ZNF106: variants seen among roughly 807,000 people sequenced by gnomAD.
ZNF106 encodes SH3-domain binding protein 3.
Under a neutral mutation model 195.1 loss-of-function variants are expected in ZNF106, and 67 were observed. The ratio of observed to expected loss-of-function variants is 0.34; its 90% CI spans 0.28 to 0.42. ZNF106 has a LOEUF of 0.42. ZNF106 is among the 10% of genes least tolerant of loss of function. The probability of loss-of-function intolerance (pLI) is 1.00; values close to 1 mark genes in which losing one functional copy is unlikely to be tolerated. For synonymous variants in ZNF106, 784 were observed against 818.6 expected, an observed-to-expected ratio of 0.96 and a Z score of 0.72; for missense variants, 2,118 against 2,304.5, an observed-to-expected ratio of 0.92 and a Z score of 1.66.
At chr15:42,464,079 C>G (rs956846934) in intron 3 of ZNF106, among the ~76,000 whole-genome samples, 1 of 152,170 alleles carries the variant, frequency 6.6e-6, no homozygotes, top group African/African-American at 2.4e-5. Flanking sequence ...TGGTGGCTCA[C>G]GCCTGTAATC....
At chr15:42,452,087 T>A in intron 4 of ZNF106, 133 bp from the exon 5 acceptor site, 1 of 865,308 alleles carries the variant, frequency 1.2e-6, no homozygotes, top group Non-Finnish European at 1.7e-6. Context: ...GTTTTATATC[T>A]AATAGTGGTT....
Position 42,413,347 on chromosome 15 carries a change from T to G in ZNF106, c.*3957A>C, listed in dbSNP as rs1296920868. 6.6e-6 allele frequency: 1 copy of G among 152,170 alleles called. No homozygotes were observed. The highest frequency in any genetic ancestry group is 2.4e-5 in the African/African-American group (1 of 41,448). The allele number at this position is 152,170 out of a possible 1,614,324, so 9.4% of individuals were successfully genotyped here. A position where few individuals can be genotyped will look rare whatever the true frequency, so the allele number is the denominator to read the frequency against. On this transcript the variant is annotated 3_prime_UTR_variant, in exon 22 of 22. Transcript: ENST00000564754. ...TCTTAAACCCGAGGAACCTGATGAT[T>G]TGGGGGCAGGGATAAAACCATTATT...
intron 15 of ZNF106, among the ~76,000 whole-genome samples, chr15:42,425,256 T>C (rs2054812725): frequency 6.6e-6 from 1 of 152,232 alleles, no homozygotes; most frequent in South Asian, 2.1e-4. Flanking sequence ...AACTCATTTA[T>C]AACTTCAACC....
intron 14 of ZNF106, among the ~76,000 whole-genome samples, chr15:42,434,283 T>G (rs1235923719): frequency 6.6e-6 from 1 of 152,002 alleles, no homozygotes; most frequent in African/African-American, 2.4e-5. Flanking sequence ...CCTCAGGAGT[T>G]CAAAACCAGC....
rs1321207865 is a variant in ZNF106 at position 42,457,453 on chromosome 15, T to C, written c.117-295A>G. Reference sequence around the variant, plus strand: ...ACTTAAAATCTTGTCAGAGGAAACATGGTGAAAGGGGAGGCAGGGCAGGGG... The same window carrying C: ...ACTTAAAATCTTGTCAGAGGAAACACGGTGAAAGGGGAGGCAGGGCAGGGG... On this transcript the variant is annotated intron_variant, in intron 3 of 21. Coordinates refer to ENST00000564754, the MANE Select transcript of ZNF106 (RefSeq NM_001366845.3). The C allele has an allele frequency of 2.4e-6, 3 of 1,271,082 alleles. No individual in the cohort carries two copies. In the African/African-American group the frequency reaches 4.5e-5, roughly 19 times the overall value. The allele number at this position is 1,271,082 out of a possible 1,614,324, so 78.7% of individuals were successfully genotyped here.
At chr15:42,428,790 G>A (rs2054946334) in intron 14 of ZNF106, among the ~76,000 whole-genome samples, 1 of 152,092 alleles carries the variant, frequency 6.6e-6, no homozygotes, top group Admixed American at 6.5e-5. Flanking sequence ...TTGAGACGGA[G>A]TCCTGCTCTG....
intron 14 of ZNF106, among the ~76,000 whole-genome samples, chr15:42,432,015 G>A (rs911922830): frequency 6.6e-6 from 1 of 152,156 alleles, no homozygotes; most frequent in Non-Finnish European, 1.5e-5. Flanking sequence ...CTGTGAATTT[G>A]TCTACTCCTT....
Position 42,451,309 on chromosome 15 carries a change from A to G in ZNF106, c.963T>C (p.Ser321=), listed in dbSNP as rs1378719212. Residue 321 remains serine, a synonymous_variant, in exon 5 of 22, where the codon TCT becomes TCC. Coordinates refer to ENST00000564754, the MANE Select transcript of ZNF106 (RefSeq NM_001366845.3). ...GAAATTTATCACTTGTAAATCCTTC[A>G]GAAGGACCTCTATATGTGGCAACTG... ...LGTVATYRGP[S]EGFTSDKFPS... The G allele has an allele frequency of 1.2e-6, 2 of 1,614,148 alleles. No individual in the cohort carries two copies. The highest frequency in any genetic ancestry group is 3.3e-5 in the Admixed American group (2 of 60,002).
At chr15:42,458,578 T>C (rs984170025) in intron 3 of ZNF106, among the ~76,000 whole-genome samples, 4 of 151,764 alleles carry the variant, frequency 2.6e-5, no homozygotes, top group African/African-American at 4.8e-5. Context: ...TGTGGTGGTG[T>C]GCACCTGTAT....
At chr15:42,445,353 G>C (rs534651322) in intron 7 of ZNF106, among the ~76,000 whole-genome samples, 1 of 152,138 alleles carries the variant, frequency 6.6e-6, no homozygotes, top group Non-Finnish European at 1.5e-5. Flanking sequence ...GCTTAGATTG[G>C]ACTCTAGACC....
At chr15:42,473,746 G>T (rs1355836017) in intron 1 of ZNF106, among the ~76,000 whole-genome samples, 1 of 152,194 alleles carries the variant, frequency 6.6e-6, no homozygotes, top group Admixed American at 6.5e-5. Context: ...AACAATATCT[G>T]CTACCCCATG....
rs541689459 is a variant in ZNF106 at position 42,424,212 on chromosome 15, G to A, written c.5191-152C>T. ...AAAGTTTCTCAGATGAATTTTCTCA[G>A]CTGAAACTTACACCCCCCTACCAAG... On this transcript the variant is annotated intron_variant, in intron 16 of 21. Transcript: ENST00000564754. 15 of 627,364 alleles carry A rather than the reference G, an allele frequency of 2.4e-5. No homozygotes were observed. In the South Asian group the frequency reaches 3.2e-4, roughly 13 times the overall value. The allele number at this position is 627,364 out of a possible 1,614,324, so 38.9% of individuals were successfully genotyped here.
At chr15:42,459,962 G>C (rs1352120237) in intron 3 of ZNF106, among the ~76,000 whole-genome samples, 1 of 151,568 alleles carries the variant, frequency 6.6e-6, no homozygotes, top group African/African-American at 2.4e-5. Context: ...AGAATCGCTT[G>C]AACCTGGGAG....
chr15:42,444,831 T>C lies in ZNF106; in HGVS notation c.3356A>G (p.Gln1119Arg). ...AAATCCTCCACATGCTGTTACCTGCTGCTTGAGCATAAGTAGCCTCTGAAC... is the reference window on the plus strand; with the variant it reads ...AAATCCTCCACATGCTGTTACCTGCCGCTTGAGCATAAGTAGCCTCTGAAC... ...VEVQRLLMLK[Q>R]QITMEMSALR... is the part of the protein sequence containing the mutation. The change falls in exon 8 of 22, where the codon CAG becomes CGG. Residue 1119 changes from glutamine to arginine, a missense_variant. Gln to Arg is a conservative substitution (Grantham distance 43). Transcript: ENST00000564754. 1 of 1,613,334 alleles carries C rather than the reference T, an allele frequency of 6.2e-7. No individual in the cohort carries two copies. The highest frequency in any genetic ancestry group is 8.5e-7 in the Non-Finnish European group (1 of 1,179,828).
intron 14 of ZNF106, among the ~76,000 whole-genome samples, chr15:42,432,067 T>G (rs1048048956): frequency 1.3e-5 from 2 of 152,246 alleles, no homozygotes; most frequent in Non-Finnish European, 2.9e-5. Context: ...TAGAGCTCTG[T>G]TATTAGGTAC....
intron 7 of ZNF106, among the ~76,000 whole-genome samples, 166 bp from the exon 8 acceptor site, chr15:42,445,147 C>A (rs1353280929): frequency 6.6e-6 from 1 of 152,184 alleles, no homozygotes; most frequent in African/African-American, 2.4e-5. Context: ...GATATCAAAG[C>A]TAGGAACCAA....
At chr15:42,438,176 C>A (rs2055358053) in intron 12 of ZNF106, among the ~76,000 whole-genome samples, 1 of 151,998 alleles carries the variant, frequency 6.6e-6, no homozygotes, top group African/African-American at 2.4e-5. Context: ...CACTTGAGGC[C>A]AGGAGTTCGA....
At chr15:42,423,187 G>A (rs1007748437) in intron 17 of ZNF106, among the ~76,000 whole-genome samples, 1 of 151,904 alleles carries the variant, frequency 6.6e-6, no homozygotes, top group African/African-American at 2.4e-5. Flanking sequence ...GGGCAACATG[G>A]CAAGACTCCA....
intron 20 of ZNF106, among the ~76,000 whole-genome samples, chr15:42,418,532 ATTTTTTTTT>A (rs1162999546): frequency 0.021 from 1,986 of 96,242 alleles, 41 homozygotes; most frequent in Non-Finnish European, 0.028. Context: ...CGGCCAGTTA[ATTTTTTTTT>A]TTTTTTTTTT....
Sources: gnomAD v4.1 joint callset for allele counts (sites outside exome capture counted in the v4.1 genomes callset) on GRCh38, gnomAD v4.1.1 for gene constraint, MANE v1.5 for transcripts, NCBI Gene and HGNC (gene_info 2026-07-23, HGNC 2026-07-21) for gene names.